Variants in STOX2 observed in about 807,000 individuals in gnomAD.
STOX2 encodes storkhead box 2.
Under a neutral mutation model 60.9 loss-of-function variants are expected in STOX2, and 28 were observed. That is an observed-to-expected ratio of 0.46 (90% confidence interval 0.34 to 0.63). The LOEUF is 0.63. Among genes scored for constraint, STOX2 ranks in the 30% least tolerant of loss-of-function variants. The pLI is 0.01. For synonymous variants in STOX2, 472 were observed against 463.9 expected (o/e 1.02, Z -0.22); for missense variants, 1,024 against 1,187.7 (o/e 0.86, Z 2.03).
At chr4:183,908,595 T>TTTG (rs991353051) in intron 1 of STOX2, among the ~76,000 whole-genome samples, 7 of 148,070 alleles carry the variant, frequency 4.7e-5, no homozygotes, top group African/African-American at 1.7e-4. Context: ...GCAGCCAGTT[T>TTTG]TTTTTTTTTT....
chr4:183,944,553 A>T (rs1742836300), intron 1 of STOX2, among the ~76,000 whole-genome samples: 1 of 152,130 alleles, frequency 6.6e-6, no homozygotes, highest in African/African-American at 2.4e-5. Flanking sequence ...ATCTTTACTA[A>T]AGCTACAAAA....
intron 1 of STOX2, among the ~76,000 whole-genome samples, chr4:183,803,808 CA>C (rs1298868398): frequency 6.6e-6 from 1 of 151,974 alleles, no homozygotes; most frequent in African/African-American, 2.4e-5. Context: ...ACTAAAAACA[CA>C]AAAATTAGCC....
intron 1 of STOX2, among the ~76,000 whole-genome samples, chr4:183,870,960 C>T (rs892122660): frequency 1.3e-5 from 2 of 152,178 alleles, no homozygotes; most frequent in Non-Finnish European, 2.9e-5. Flanking sequence ...GAAAGTTAAA[C>T]TTAAGAAGCC....
chr4:183,962,503 T>C (rs1743441511), intron 1 of STOX2, among the ~76,000 whole-genome samples: 4 of 152,246 alleles, frequency 2.6e-5, no homozygotes, highest in Admixed American at 2.6e-4. Context: ...TTCTGTTTAA[T>C]TTACTATTTC....
rs527337668 is a variant in STOX2, at chr4:183,865,507, A to C, written c.364+67452A>C. Among the ~76,000 whole-genome samples, 2 of 152,228 alleles carry C rather than the reference A, an allele frequency of 1.3e-5. No homozygotes were observed. The highest frequency in any genetic ancestry group is 2.9e-5 in the Non-Finnish European group (2 of 68,044). Reference sequence around the variant, plus strand: ...AGCTTACGGTCTGTTTGGGGAGATAAGTATTATAATACAATTTAATAAAAG... The same window carrying C: ...AGCTTACGGTCTGTTTGGGGAGATACGTATTATAATACAATTTAATAAAAG... On this transcript the variant is annotated intron_variant, in intron 1 of 2. Transcript: ENST00000513034. The surrounding 1 kb of genome is among the most constrained non-coding windows in gnomAD (Gnocchi z 4.1).
chr4:184,015,794 T>C (rs1182021647), intron 3 of STOX2: 3 of 152,228 alleles, frequency 2.0e-5, no homozygotes, highest in Admixed American at 6.5e-5. Context: ...AAATGTTGAC[T>C]CTGCCTCATG....
At chr4:183,842,357 G>C (rs1431770984) in intron 1 of STOX2, among the ~76,000 whole-genome samples, 1 of 152,148 alleles carries the variant, frequency 6.6e-6, no homozygotes, top group Non-Finnish European at 1.5e-5. Context: ...AAAACTTCAA[G>C]CCTCACAGTC....
intron 1 of STOX2, among the ~76,000 whole-genome samples, chr4:183,907,811 C>CCTTCTCCTTA (rs1741662700): frequency 6.6e-6 from 1 of 152,210 alleles, no homozygotes; most frequent in Non-Finnish European, 1.5e-5. Context: ...CCTTCCGTTG[C>CCTTCTCCTTA]CTTCTCCTTA....
chr4:183,863,849 G>A (rs555450781), intron 1 of STOX2, among the ~76,000 whole-genome samples: 14 of 152,182 alleles, frequency 9.2e-5, no homozygotes, highest in East Asian at 1.9e-4. Context: ...TTACACAACC[G>A]TATCTGAACT....
intron 1 of STOX2, among the ~76,000 whole-genome samples, chr4:183,857,933 A>C (rs1579341936): frequency 6.6e-6 from 1 of 152,180 alleles, no homozygotes; most frequent in South Asian, 2.1e-4. Context: ...GGAGTCAGTC[A>C]TTCACTTCTC....
At chr4:183,915,334 C>T (rs779662742) in intron 1 of STOX2, among the ~76,000 whole-genome samples, 6 of 152,160 alleles carry the variant, frequency 3.9e-5, no homozygotes, top group Admixed American at 6.5e-5. Flanking sequence ...TTACTGCTTT[C>T]GGCATATCCA....
intron 1 of STOX2, among the ~76,000 whole-genome samples, chr4:183,929,536 C>T (rs1742349157): frequency 6.6e-6 from 1 of 152,162 alleles, no homozygotes; most frequent in Admixed American, 6.5e-5. Context: ...ATATTTCAAA[C>T]ACCTTAAGTG....
At chr4:183,921,443 A>G (rs775858825) in intron 1 of STOX2, among the ~76,000 whole-genome samples, 2 of 152,170 alleles carry the variant, frequency 1.3e-5, no homozygotes, top group Non-Finnish European at 2.9e-5. Flanking sequence ...TTGGGGGAAA[A>G]CAAAAAAAAA....
At chr4:183,843,237 G>A (rs1158447114) in intron 1 of STOX2, among the ~76,000 whole-genome samples, 2 of 151,690 alleles carry the variant, frequency 1.3e-5, no homozygotes, top group Non-Finnish European at 1.5e-5. Context: ...AAGGATAAAA[G>A]CAGAATGACT....
chr4:183,921,865 A>G (rs1247821567), intron 1 of STOX2, among the ~76,000 whole-genome samples: 1 of 152,238 alleles, frequency 6.6e-6, no homozygotes, highest in Non-Finnish European at 1.5e-5. Context: ...TGTATACTAT[A>G]CTAAAGAAAT....
At position 183,836,245 on chromosome 4, in the gene STOX2, C is replaced by T. The variant is rs1003551598; in HGVS notation, c.364+38190C>T. On this transcript the variant is annotated intron_variant, in intron 1 of 2. Coordinates refer to the STOX2 transcript ENST00000513034. This position sits in a 1 kb window ranked among gnomAD's most constrained non-coding sequence, Gnocchi z 4.1. ...ATTTGTTGTTTGGACTCTCCTTCTC[C>T]TGGCTTGTGGAGATTGCTTTATCCT... Among the ~76,000 whole-genome samples the T allele has an allele frequency of 1.3e-5, 2 of 152,154 alleles. No homozygotes were observed. Among genetic ancestry groups the T allele is most frequent in the African/African-American group, 2.4e-5 (1 of 41,426 alleles).
intron 1 of STOX2, among the ~76,000 whole-genome samples, chr4:183,880,969 C>A (rs748450577): frequency 6.6e-6 from 1 of 151,992 alleles, no homozygotes; most frequent in East Asian, 1.9e-4. Context: ...AAGCTGTTAA[C>A]GTCTGTCTCA....
At chr4:183,837,795 C>T (rs184277450) in intron 1 of STOX2, among the ~76,000 whole-genome samples, 3 of 152,256 alleles carry the variant, frequency 2.0e-5, no homozygotes, top group Admixed American at 2.0e-4. Context: ...AATTTCATTC[C>T]TTTTCAAGGC....
intron 1 of STOX2, among the ~76,000 whole-genome samples, chr4:183,947,684 G>A (rs576602117): frequency 6.6e-4 from 100 of 152,068 alleles, no homozygotes; most frequent in Non-Finnish European, 1.1e-3. Context: ...TGTTTCCTCT[G>A]CCTGGAACAC....
Sources: gnomAD v4.1 joint callset for allele counts (sites outside exome capture counted in the v4.1 genomes callset) on GRCh38, gnomAD v4.1.1 for gene constraint, Gnocchi (gnomAD v3.1) non-coding constraint, MANE v1.5 for transcripts, NCBI Gene and HGNC (gene_info 2026-07-23, HGNC 2026-07-21) for gene names.